Variants in ACYP2 observed in about 807,000 individuals in gnomAD.
The protein encoded by ACYP2 is acylphosphatase 2.
ACYP2 carries 12 observed loss-of-function variants against 11.2 expected under a neutral mutation model. That is an observed-to-expected ratio of 1.08 (90% confidence interval 0.69 to 1.74). The LOEUF (loss-of-function observed/expected upper bound fraction) is 1.74, where lower values mean the gene tolerates loss of function less well. ACYP2 is among the 40% of genes most tolerant of loss of function. The pLI is 0.00. For synonymous variants in ACYP2, 43 were observed against 32.2 expected, an observed-to-expected ratio of 1.33 and a Z score of -1.13; for missense variants, 134 against 101.9, an observed-to-expected ratio of 1.31 and a Z score of -1.35.
At chr2:54,010,601 A>C (rs1050866457) in intron 2 of ACYP2, among the ~76,000 whole-genome samples, 1 of 152,090 alleles carries the variant, frequency 6.6e-6, no homozygotes, top group Admixed American at 6.6e-5. Context: ...TCCCCATAAA[A>C]ATTTTTTTTA....
intron 2 of ACYP2, among the ~76,000 whole-genome samples, chr2:54,014,600 C>T (rs547982157): frequency 3.5e-4 from 54 of 152,118 alleles, no homozygotes; most frequent in Non-Finnish European, 6.5e-4. Flanking sequence ...GGATTACAGG[C>T]TTGAGCCACC....
intron 4 of ACYP2, among the ~76,000 whole-genome samples, chr2:54,089,925 C>A (rs996467261): frequency 1.3e-5 from 2 of 151,780 alleles, no homozygotes; most frequent in Admixed American, 1.3e-4. Flanking sequence ...GCAGGCAGAT[C>A]GCTTGAGGTC....
intron 2 of ACYP2, among the ~76,000 whole-genome samples, chr2:54,039,308 G>C (rs190988124): frequency 3.1e-4 from 46 of 149,438 alleles, no homozygotes; most frequent in Non-Finnish European, 5.0e-4. Flanking sequence ...TTTTTGGCGG[G>C]GGGGGACAGG....
chr2:54,278,666 A>G (rs1688719948), intron 6 of ACYP2, among the ~76,000 whole-genome samples: 1 of 152,246 alleles, frequency 6.6e-6, no homozygotes, highest in Admixed American at 6.5e-5. Context: ...TTACATGCAT[A>G]ACAGCATACT....
intron 6 of ACYP2, chr2:54,267,288 C>G (rs1558656445): frequency 1.3e-6 from 2 of 1,548,112 alleles, no homozygotes; most frequent in East Asian, 2.4e-5. Context: ...TTCCATTTGA[C>G]TTAATAGGAA....
intron 4 of ACYP2, among the ~76,000 whole-genome samples, chr2:54,067,990 C>T (rs181719389): frequency 7.7e-4 from 117 of 152,310 alleles, no homozygotes; most frequent in Admixed American, 7.1e-3. Flanking sequence ...GGAGAATGAA[C>T]ACACATTGTT....
At chr2:54,072,476 CTTTCTTTCTTT>C (rs1300047952) in intron 4 of ACYP2, among the ~76,000 whole-genome samples, 3 of 110,394 alleles carry the variant, frequency 2.7e-5, no homozygotes, top group Admixed American at 9.0e-5. Flanking sequence ...CTTTTTCTTT[CTTTCTTTCTTT>C]TTTCTTTCTT....
intron 4 of ACYP2, among the ~76,000 whole-genome samples, chr2:54,128,944 C>A (rs1339477756): frequency 6.6e-6 from 1 of 152,134 alleles, no homozygotes; most frequent in African/African-American, 2.4e-5. Context: ...TCTGGAAACA[C>A]CCTTACAGAC....
In ACYP2 at chr2:54,094,893, C is replaced by CT. The variant is rs34164496; in HGVS notation, c.277+37544dup. ...TTTAATCTGTTTTTTTTTAAACTTC[C>CT]TTTTTTTTTTTAATTGATCATTCTT... is the stretch of plus-strand genomic sequence containing the variant. On this transcript the variant is annotated intron_variant, in intron 4 of 6. Coordinates refer to ENST00000607452, the MANE Select transcript of ACYP2 (RefSeq NM_001320586.2). Among the ~76,000 whole-genome samples, 452 of 146,036 alleles carry CT rather than the reference C, an allele frequency of 3.1e-3. 3 individuals carry two copies. The highest frequency in any genetic ancestry group is 8.5e-3 in the African/African-American group (341 of 40,018).
intron 4 of ACYP2, among the ~76,000 whole-genome samples, chr2:54,070,876 G>T (rs2103647590): frequency 6.6e-6 from 1 of 151,634 alleles, no homozygotes. Context: ...AGCTCTATAG[G>T]TATGTGCCAC....
intron 3 of ACYP2, among the ~76,000 whole-genome samples, chr2:54,055,165 T>C (rs1157912033): frequency 6.6e-6 from 1 of 152,130 alleles, no homozygotes; most frequent in African/African-American, 2.4e-5. Context: ...GCCTCCCAAG[T>C]AGCTGGGACT....
At chr2:54,243,323 A>G (rs1686811101) in intron 6 of ACYP2, among the ~76,000 whole-genome samples, 1 of 152,148 alleles carries the variant, frequency 6.6e-6, no homozygotes, top group Non-Finnish European at 1.5e-5. Flanking sequence ...TATTGCTCCT[A>G]TTTTACAGAC....
intron 6 of ACYP2, among the ~76,000 whole-genome samples, chr2:54,226,696 T>C (rs1423532093): frequency 6.6e-6 from 1 of 152,188 alleles, no homozygotes; most frequent in Non-Finnish European, 1.5e-5. Context: ...TTTGATGTTC[T>C]TGTCCCAGGT....
chr2:54,091,944 A>G (rs924360232), intron 4 of ACYP2, among the ~76,000 whole-genome samples: 1 of 152,140 alleles, frequency 6.6e-6, no homozygotes, highest in African/African-American at 2.4e-5. Context: ...AGTGTTTGTA[A>G]TAGTCCGTGT....
At chr2:54,284,586 CTTTT>C (rs924403923) in intron 6 of ACYP2, among the ~76,000 whole-genome samples, 2 of 151,604 alleles carry the variant, frequency 1.3e-5, no homozygotes, top group Non-Finnish European at 2.9e-5. Flanking sequence ...ACATCATCAC[CTTTT>C]TTTTTATCCC....
chr2:54,201,698 C>CT (rs1364436921), intron 6 of ACYP2, among the ~76,000 whole-genome samples: 32 of 138,790 alleles, frequency 2.3e-4, no homozygotes, highest in Admixed American at 8.9e-4. Flanking sequence ...CTCTCTCTCT[C>CT]TTTTTTCTTT....
chr2:54,273,474 G>T (rs1250297952), intron 6 of ACYP2, among the ~76,000 whole-genome samples: 1 of 152,050 alleles, frequency 6.6e-6, no homozygotes, highest in Non-Finnish European at 1.5e-5. Flanking sequence ...CTTTTTGTTT[G>T]TTTTTGTTTT....
intron 2 of ACYP2, among the ~76,000 whole-genome samples, chr2:54,041,593 A>C (rs558351937): frequency 6.6e-6 from 1 of 152,304 alleles, no homozygotes; most frequent in East Asian, 1.9e-4. Flanking sequence ...CACTAGTTGC[A>C]TTTGGCTGCA....
chr2:54,081,987 A>C (rs759663247), intron 4 of ACYP2, among the ~76,000 whole-genome samples: 4 of 152,196 alleles, frequency 2.6e-5, no homozygotes, highest in Non-Finnish European at 5.9e-5. Flanking sequence ...TCTAAAGCCT[A>C]AGACACAAGT....
Sources: allele counts gnomAD v4.1 joint callset (sites outside exome capture counted in the v4.1 genomes callset), GRCh38; gene constraint gnomAD v4.1.1; transcripts MANE v1.5; gene names NCBI Gene and HGNC (gene_info 2026-07-23, HGNC 2026-07-21).